PTPRF: variants seen among roughly 807,000 people sequenced by gnomAD.
The protein encoded by PTPRF is protein tyrosine phosphatase receptor type F.
In PTPRF, 59 loss-of-function variants were observed where a neutral mutation model predicts 201.8. The ratio of observed to expected loss-of-function variants is 0.29; its 90% CI spans 0.24 to 0.36. PTPRF has a LOEUF of 0.36. Ranked by LOEUF, PTPRF falls within the 10% of genes least tolerant of loss-of-function variation. PTPRF has a pLI of 1.00. For missense variants in PTPRF, 2,132 were observed against 2,690.5 expected (o/e 0.79, Z 4.59); for synonymous variants, 1,088 against 1,089.7 (o/e 1.00, Z 0.03).
chr1:43,523,105 A>C (rs1358804077), upstream of PTPRF, among the ~76,000 whole-genome samples: 4 of 152,154 alleles, frequency 2.6e-5, no homozygotes, highest in African/African-American at 9.7e-5. Flanking sequence ...AATGAACAGG[A>C]TTCTGGCTTG....
At position 43,605,370 on chromosome 1, in the gene PTPRF, C is replaced by G. The variant is rs556597635; in HGVS notation, c.3316C>G (p.Pro1106Ala). Residue 1106 changes from proline (P) to alanine (A), a missense_variant, in exon 18 of 34, where the codon CCT becomes GCT. Around this residue, in one of 6 missense-constraint regions of PTPRF, gnomAD observed 818 missense variants for 915.3 expected, o/e 0.89. Coordinates refer to ENST00000359947, the MANE Select transcript of PTPRF (RefSeq NM_002840.5). ...CGACCTCCTGCCTCACAAGCCGCTG[C>G]CTGCCTCTGCCTACATAGAGGACGG... ...APDLLPHKPLPASAYIEDGRF... is the reference protein window; with the variant it reads ...APDLLPHKPLAASAYIEDGRF... 3.1e-6 allele frequency: 5 copies of G among 1,613,902 alleles called. No homozygotes were observed. The highest frequency in any genetic ancestry group is 4.2e-6 in the Non-Finnish European group (5 of 1,180,010).
chr1:43,578,068 C>T (rs1390416021), intron 6 of PTPRF, among the ~76,000 whole-genome samples: 3 of 152,218 alleles, frequency 2.0e-5, no homozygotes, highest in Non-Finnish European at 4.4e-5. Flanking sequence ...CCTTTTGCTA[C>T]CCACCCCGAT....
intron 19 of PTPRF, 148 bp downstream of exon 19, chr1:43,605,770 A>G (rs1404604159): frequency 5.2e-6 from 4 of 774,248 alleles, no homozygotes; most frequent in Non-Finnish European, 8.6e-6. Context: ...CTCTCTGGAG[A>G]GAGGGACTCT....
chr1:43,547,159 C>T (rs549721384), intron 3 of PTPRF, among the ~76,000 whole-genome samples: 3 of 152,316 alleles, frequency 2.0e-5, no homozygotes, highest in East Asian at 3.9e-4. Context: ...CTTCTATCAA[C>T]CTCATCCCTC....
upstream of PTPRF, chr1:43,530,754 C>G (rs1247372731): frequency 1.3e-5 from 2 of 152,884 alleles, no homozygotes. This position sits in a 1 kb window ranked among gnomAD's most constrained non-coding sequence, Gnocchi z 4.1. Context: ...CTGTCTGGGC[C>G]TCAGCGGCTC....
intron 6 of PTPRF, among the ~76,000 whole-genome samples, chr1:43,571,871 C>T (rs1646596594): frequency 6.6e-6 from 1 of 152,264 alleles, no homozygotes; most frequent in Non-Finnish European, 1.5e-5. Flanking sequence ...AGCTCTCTGG[C>T]ATTGGTTAAC....
At chr1:43,534,201 T>C (rs1233818695) in intron 1 of PTPRF, among the ~76,000 whole-genome samples, 1 of 152,202 alleles carries the variant, frequency 6.6e-6, no homozygotes, top group Non-Finnish European at 1.5e-5. Context: ...TTCAGAGATG[T>C]GGCAGATCAC....
chr1:43,573,705 C>A (rs1201447459), intron 6 of PTPRF, among the ~76,000 whole-genome samples: 1 of 152,238 alleles, frequency 6.6e-6, no homozygotes, highest in Non-Finnish European at 1.5e-5. Context: ...GACTTCTGGG[C>A]CCCTTCAGTC....
rs150854336 is a variant in PTPRF, at chr1:43,592,483, C to T, written c.1695C>T (p.Ser565=). 6.8e-6 allele frequency: 11 copies of T among 1,612,244 alleles called. No homozygotes were observed. Among genetic ancestry groups the T allele is most frequent in the Non-Finnish European group, 8.5e-6 (10 of 1,179,400 alleles). ...QQHKVTFDPT[S]SYTLEDLKPD... ...ACAAGGTGACCTTCGACCCAACCTC[C>T]TCCTACACACTAGAGGACCTGAAGC... Residue 565 remains serine (S), a synonymous_variant, in exon 11 of 34, where the codon TCC becomes TCT. Coordinates refer to ENST00000359947, the MANE Select transcript of PTPRF (RefSeq NM_002840.5).
At position 43,622,124 on chromosome 1, in the gene PTPRF, GC is replaced by G; in HGVS notation, c.*124del. Reference sequence around the variant, plus strand: ...CAGATGCTGTCACTGGCAGAGCACAGCCCACGGGGATCACAGCGTTTCAGGA... The same window carrying G: ...CAGATGCTGTCACTGGCAGAGCACAGCCACGGGGATCACAGCGTTTCAGGA... On this transcript the variant is annotated 3_prime_UTR_variant, in exon 34 of 34. Coordinates refer to ENST00000359947, the MANE Select transcript of PTPRF (RefSeq NM_002840.5). 3 of 1,049,574 alleles carry G rather than the reference GC, an allele frequency of 2.9e-6. No individual in the cohort carries two copies. Among genetic ancestry groups the G allele is most frequent in the Non-Finnish European group, 1.4e-6 (1 of 695,098 alleles). The allele number at this position is 1,049,574 out of a possible 1,614,324, so 65.0% of individuals were successfully genotyped here. A position where few individuals can be genotyped will look rare whatever the true frequency, so the allele number is the denominator to read the frequency against.
In PTPRF at chr1:43,554,771, A is replaced by T. The variant is rs1645240121; in HGVS notation, c.379+830A>T. 6.6e-6 allele frequency among the ~76,000 whole-genome samples: 1 copy of T among 152,204 alleles called. No homozygotes were observed. Among genetic ancestry groups the T allele is most frequent in the African/African-American group, 2.4e-5 (1 of 41,442 alleles). On this transcript the variant is annotated intron_variant, in intron 5 of 33. Coordinates refer to ENST00000359947, the MANE Select transcript of PTPRF (RefSeq NM_002840.5). The surrounding 1 kb of genome is among the most constrained non-coding windows in gnomAD (Gnocchi z 4.1). Reference sequence around the variant, plus strand: ...GGTGACATGATCAGACCCCAGCCACAACTGATTCATCAGTCTGAATGTGTT... The same window carrying T: ...GGTGACATGATCAGACCCCAGCCACTACTGATTCATCAGTCTGAATGTGTT...
In PTPRF at chr1:43,546,581, C is replaced by A. The variant is rs117834225; in HGVS notation, c.91+1415C>A. Reference sequence around the variant, plus strand: ...GTCCTTGCCCTCCCCGCCGACCCAACCCCAGGCACTTTCAGGGCCTTCAGA... The same window carrying A: ...GTCCTTGCCCTCCCCGCCGACCCAAACCCAGGCACTTTCAGGGCCTTCAGA... On this transcript the variant is annotated intron_variant, in intron 3 of 33. Coordinates refer to ENST00000359947, the MANE Select transcript of PTPRF (RefSeq NM_002840.5). The surrounding 1 kb of genome is among the most constrained non-coding windows in gnomAD (Gnocchi z 4.2). 8.3e-4 allele frequency among the ~76,000 whole-genome samples: 126 copies of A among 152,200 alleles called. 2 individuals carry two copies. The East Asian group carries it at 0.023, about 28-fold the overall frequency.
chr1:43,604,282 C>T lies in PTPRF; in HGVS notation c.3037+93C>T. 4 of 1,312,560 alleles carry T rather than the reference C, an allele frequency of 3.0e-6. No individual in the cohort carries two copies. The East Asian group carries it at 7.3e-5, about 24-fold the overall frequency. 81.3% of individuals were successfully genotyped at this position (1,312,560 alleles called of 1,614,324 possible). On this transcript the variant is annotated intron_variant, in intron 16 of 33. Coordinates refer to ENST00000359947, the MANE Select transcript of PTPRF (RefSeq NM_002840.5). ...GCCACTGACCTCTGGCGACTGTGAT[C>T]CACCAGCCTCTGGTGTGTGACCTCC...
intron 5 of PTPRF, among the ~76,000 whole-genome samples, chr1:43,557,267 A>G (rs548338689): frequency 6.6e-6 from 1 of 152,354 alleles, no homozygotes; most frequent in African/African-American, 2.4e-5. Flanking sequence ...TGCCCTGGGC[A>G]GCCTTACCTT....
At position 43,592,541 on chromosome 1, in the gene PTPRF, C is replaced by A; in HGVS notation, c.1753C>A (p.Arg585Ser). Residue 585 changes from arginine to serine, a missense_variant, in exon 11 of 34, where the codon CGC (arginine) becomes AGC (serine). This residue lies in a region of PTPRF where 351 missense variants were observed against 401.7 expected (regional missense o/e 0.87). Transcript: ENST00000359947. ...DTLYRFQLAA[R>S]SDMGVGVFTP... ...ACTCTACCGCTTCCAGCTGGCTGCA[C>A]GCTCGGATATGGGGGTGGGCGTCTT... is the stretch of plus-strand genomic sequence containing the variant. The A allele has an allele frequency of 6.2e-7, 1 of 1,612,092 alleles. No homozygotes were observed. The highest frequency in any genetic ancestry group is 8.5e-7 in the Non-Finnish European group (1 of 1,179,466).
At chr1:43,582,915 T>C (rs764511976) in intron 7 of PTPRF, among the ~76,000 whole-genome samples, 27 of 152,322 alleles carry the variant, frequency 1.8e-4, no homozygotes, top group Admixed American at 2.6e-4. Flanking sequence ...TGCACCTGTG[T>C]GCATGTGTGT....
At chr1:43,578,211 G>C (rs1647060633) in intron 6 of PTPRF, among the ~76,000 whole-genome samples, 1 of 152,246 alleles carries the variant, frequency 6.6e-6, no homozygotes, top group Admixed American at 6.5e-5. Flanking sequence ...GCAGGACCGG[G>C]CTGAGGAGTG....
intron 1 of PTPRF, among the ~76,000 whole-genome samples, chr1:43,531,946 C>A (rs1175729058): frequency 6.6e-6 from 1 of 152,200 alleles, no homozygotes; most frequent in African/African-American, 2.4e-5. Flanking sequence ...AATCTCACGC[C>A]CCTGCAATCC....
intron 1 of PTPRF, among the ~76,000 whole-genome samples, chr1:43,536,398 A>G (rs754781348): frequency 3.9e-4 from 59 of 152,160 alleles, no homozygotes; most frequent in South Asian, 1.0e-3. Context: ...TTAGTCTTCT[A>G]AAATGGCCCC....
Sources: gnomAD v4.1 joint callset for allele counts (sites outside exome capture counted in the v4.1 genomes callset) on GRCh38, gnomAD v4.1.1 for gene constraint, gnomAD v4.1.1 regional missense constraint, Gnocchi (gnomAD v3.1) non-coding constraint, MANE v1.5 for transcripts, NCBI Gene and HGNC (gene_info 2026-07-23, HGNC 2026-07-21) for gene names.